CRB1: variants seen among roughly 807,000 people sequenced by gnomAD.
CRB1 encodes crumbs cell polarity complex component 1.
A neutral mutation model predicts 120.0 loss-of-function variants in CRB1; 83 were observed. The ratio of observed to expected loss-of-function variants is 0.69; its 90% CI spans 0.58 to 0.83. The LOEUF (loss-of-function observed/expected upper bound fraction) is 0.83, where lower values mean the gene tolerates loss of function less well. CRB1 is among the 40% of genes least tolerant of loss of function. The pLI is 0.00. For missense variants in CRB1, 1,699 were observed against 1,687.6 expected (o/e 1.01, Z -0.12); for synonymous variants, 625 against 612.5 (o/e 1.02, Z -0.30).
intron 11 of CRB1, chr1:197,447,341 G>T (rs561023612): frequency 6.6e-6 from 1 of 152,358 alleles, no homozygotes; most frequent in South Asian, 2.1e-4. Flanking sequence ...GCCAAAAAAG[G>T]AGGGAGAGAT....
chr1:197,450,495 T>C (rs1665906359), intron 11 of CRB1, among the ~76,000 whole-genome samples: 2 of 152,250 alleles, frequency 1.3e-5, no homozygotes, highest in South Asian at 2.1e-4. Flanking sequence ...GTAGTGAGCA[T>C]AGTAACCCAA....
At chr1:197,225,872 C>G in the CRB1 span, among the ~76,000 whole-genome samples, 1 of 152,140 alleles carries the variant, frequency 6.6e-6, no homozygotes. Context: ...TTTTGAGCCT[C>G]GGTCCACCCC....
chr1:197,288,023 C>T (rs1241030898), intron 1 of CRB1, among the ~76,000 whole-genome samples: 1 of 151,714 alleles, frequency 6.6e-6, no homozygotes, highest in African/African-American at 2.4e-5. Context: ...AGAGAGTTTC[C>T]GGGCAACAGC....
At chr1:197,265,660 A>C (rs1484531594), upstream of CRB1, among the ~76,000 whole-genome samples, 2 of 152,312 alleles carry the variant, frequency 1.3e-5, no homozygotes, top group South Asian at 2.1e-4. Context: ...TATGAATGAC[A>C]ATAATAGCCC....
At chr1:197,417,998 GA>G (rs1664095294) in intron 5 of CRB1, among the ~76,000 whole-genome samples, 2 of 151,530 alleles carry the variant, frequency 1.3e-5, no homozygotes, top group South Asian at 4.2e-4. Flanking sequence ...AAGAGATCGT[GA>G]CACTACTATC....
chr1:197,375,630 C>T (rs1375249999), intron 5 of CRB1, among the ~76,000 whole-genome samples: 2 of 152,116 alleles, frequency 1.3e-5, no homozygotes, highest in African/African-American at 4.8e-5. Flanking sequence ...CCAATTCCTG[C>T]CTATGTTTGG....
At chr1:197,221,412 A>G in the CRB1 span, among the ~76,000 whole-genome samples, 1 of 152,192 alleles carries the variant, frequency 6.6e-6, no homozygotes, top group South Asian at 2.1e-4. Context: ...TTCAAACCAT[A>G]CCTCATCACA....
At chr1:197,428,929 C>T (rs1357104383) in intron 7 of CRB1, 1 of 1,505,220 alleles carries the variant, frequency 6.6e-7, no homozygotes, top group Non-Finnish European at 8.9e-7. Context: ...TTTTTGTGAG[C>T]AACCTTGTGA....
At chr1:197,332,050 G>T (rs551292713) in intron 2 of CRB1, among the ~76,000 whole-genome samples, 3 of 152,182 alleles carry the variant, frequency 2.0e-5, no homozygotes, top group East Asian at 1.9e-4. Flanking sequence ...TGAGGCAGGA[G>T]AATTGCTTGA....
intron 11 of CRB1, among the ~76,000 whole-genome samples, chr1:197,450,957 C>CAAAAAAAAAAAAAA: frequency 1.8e-5 from 1 of 56,630 alleles, no homozygotes; most frequent in Non-Finnish European, 3.0e-5. Context: ...GACTCCGTCC[C>CAAAAAAAAAAAAAA]AAAAAAAAAA....
intron 1 of CRB1, among the ~76,000 whole-genome samples, chr1:197,271,783 CCATGAATTAGAAAAGT>C (rs1163976077): frequency 2.0e-5 from 3 of 151,798 alleles, no homozygotes; most frequent in Non-Finnish European, 2.9e-5. Flanking sequence ...AACAACCATA[CCATGAATTAGAAAAGT>C]AATGTCTATC....
chr1:197,361,870 T>C (rs889146684), intron 5 of CRB1, among the ~76,000 whole-genome samples: 43 of 151,936 alleles, frequency 2.8e-4, no homozygotes, highest in African/African-American at 1.0e-3. Flanking sequence ...TTGCTTTGGG[T>C]TTATTTTCTG....
chr1:197,270,524 A>T (rs1019365456), intron 1 of CRB1, among the ~76,000 whole-genome samples: 4 of 152,202 alleles, frequency 2.6e-5, no homozygotes, highest in East Asian at 1.9e-4. Context: ...AACCTACTAC[A>T]TAATGATGCT....
the CRB1 span, among the ~76,000 whole-genome samples, chr1:197,231,198 A>G: frequency 1.3e-5 from 2 of 152,160 alleles, no homozygotes; most frequent in Non-Finnish European, 2.9e-5. Context: ...ATACTAAATA[A>G]TTAGACTACA....
intron 11 of CRB1, among the ~76,000 whole-genome samples, chr1:197,453,259 G>A (rs1196895564): frequency 2.1e-5 from 3 of 146,254 alleles, no homozygotes; most frequent in South Asian, 2.1e-4. Flanking sequence ...AAGTATGTGT[G>A]TATACTTGTG....
At chr1:197,355,672 C>G (rs1660433967) in intron 4 of CRB1, among the ~76,000 whole-genome samples, 1 of 152,024 alleles carries the variant, frequency 6.6e-6, no homozygotes, top group South Asian at 2.1e-4. Flanking sequence ...GGCAGCGGCG[C>G]CCACCGGCCG....
chr1:197,288,782 CAT>C (rs1308294949), intron 1 of CRB1, among the ~76,000 whole-genome samples: 1 of 151,370 alleles, frequency 6.6e-6, no homozygotes, highest in African/African-American at 2.4e-5. Flanking sequence ...CAAAATTAAA[CAT>C]AAAGAGAAAA....
rs1438536599 is a variant in CRB1, at chr1:197,277,660, A to T, written c.70+9178A>T. ...ATAATTTTCATTATCTATTCTTTTA[A>T]TATAGCTGAAGAATAAATATTTATA... is the stretch of plus-strand genomic sequence containing the variant. On this transcript the variant is annotated intron_variant, in intron 1 of 11. Transcript: ENST00000367400. 8.5e-5 allele frequency among the ~76,000 whole-genome samples: 13 copies of T among 152,136 alleles called. No homozygotes were observed. The East Asian group carries it at 2.5e-3, about 29-fold the overall frequency.
At chr1:197,355,915 C>G (rs4915231) in intron 4 of CRB1, among the ~76,000 whole-genome samples, 1 of 152,108 alleles carries the variant, frequency 6.6e-6, no homozygotes, top group African/African-American at 2.4e-5. Context: ...GCGCCCAGAG[C>G]GAGCGAGGGC....
Sources: gnomAD v4.1 joint callset for allele counts (sites outside exome capture counted in the v4.1 genomes callset) on GRCh38, gnomAD v4.1.1 for gene constraint, MANE v1.5 for transcripts, NCBI Gene and HGNC (gene_info 2026-07-23, HGNC 2026-07-21) for gene names.